GSG1L: variants seen among roughly 807,000 people sequenced by gnomAD.
GSG1L encodes germ cell-specific gene 1-like protein.
In GSG1L, 24 loss-of-function variants were observed where a neutral mutation model predicts 42.1. The observed-to-expected ratio is 0.57, with a 90% CI of 0.41 to 0.80. GSG1L has a LOEUF of 0.80. Ranked by LOEUF, GSG1L falls within the 30% of genes least tolerant of loss-of-function variation. GSG1L has a pLI of 0.00. For synonymous variants in GSG1L, 215 were observed against 203.5 expected (o/e 1.06, Z -0.48); for missense variants, 445 against 472.2 (o/e 0.94, Z 0.53).
intron 3 of GSG1L, among the ~76,000 whole-genome samples, chr16:27,847,864 C>G (rs1200258740): frequency 6.6e-6 from 1 of 152,180 alleles, no homozygotes; most frequent in East Asian, 1.9e-4. Flanking sequence ...CTGAGGCCTC[C>G]CAAGCCATGC....
chr16:27,937,935 T>C (rs1471523926), intron 2 of GSG1L, among the ~76,000 whole-genome samples: 1 of 152,156 alleles, frequency 6.6e-6, no homozygotes, highest in African/African-American at 2.4e-5. Context: ...ACCCACATGA[T>C]GACCATGGCC....
At chr16:27,864,874 C>A (rs550250906) in intron 3 of GSG1L, among the ~76,000 whole-genome samples, 2 of 152,316 alleles carry the variant, frequency 1.3e-5, no homozygotes, top group South Asian at 4.1e-4. Flanking sequence ...TGTGGGTCCA[C>A]CTCCAACACC....
At chr16:27,833,950 T>C (rs1199670468) in intron 4 of GSG1L, among the ~76,000 whole-genome samples, 1 of 152,188 alleles carries the variant, frequency 6.6e-6, no homozygotes, top group Non-Finnish European at 1.5e-5. Flanking sequence ...TCTTATGTAT[T>C]GCATGTCTTT....
intron 3 of GSG1L, among the ~76,000 whole-genome samples, chr16:27,855,278 A>G (rs2140994120): frequency 6.6e-6 from 1 of 152,272 alleles, no homozygotes; most frequent in African/African-American, 2.4e-5. Context: ...TGAGAATGAA[A>G]GTGGGCTGAG....
At chr16:27,947,592 A>AGAAAGAAG (rs2084898431) in intron 2 of GSG1L, among the ~76,000 whole-genome samples, 1 of 107,304 alleles carries the variant, frequency 9.3e-6, no homozygotes, top group Non-Finnish European at 1.9e-5. Context: ...AAAGAAAGAA[A>AGAAAGAAG]GAAAGAAAAA....
chr16:28,046,520 AT>A (rs2086161143), intron 1 of GSG1L, among the ~76,000 whole-genome samples: 1 of 151,754 alleles, frequency 6.6e-6, no homozygotes, highest in African/African-American at 2.4e-5. Flanking sequence ...TGCCTGGCTA[AT>A]TTTTTGTATT....
At chr16:27,831,010 G>A (rs1200402536) in intron 4 of GSG1L, among the ~76,000 whole-genome samples, 2 of 152,252 alleles carry the variant, frequency 1.3e-5, no homozygotes, top group Non-Finnish European at 2.9e-5. Flanking sequence ...GTGAGCACAT[G>A]ACCTCGGCTT....
intron 3 of GSG1L, among the ~76,000 whole-genome samples, chr16:27,853,133 G>C (rs776680585): frequency 6.6e-6 from 1 of 152,160 alleles, no homozygotes; most frequent in Non-Finnish European, 1.5e-5. Flanking sequence ...CAATCGGCTG[G>C]GGGCAGAGGA....
intron 4 of GSG1L, among the ~76,000 whole-genome samples, chr16:27,842,063 A>ATGATATTG (rs1411999970): frequency 6.6e-6 from 1 of 150,736 alleles, no homozygotes; most frequent in Admixed American, 6.6e-5. Flanking sequence ...TATCAGTAGC[A>ATGATATTG]CGATGTCGCG....
chr16:27,869,625 T>G, intron 3 of GSG1L, among the ~76,000 whole-genome samples: 1 of 127,730 alleles, frequency 7.8e-6, no homozygotes. Flanking sequence ...CTCTCCTCTC[T>G]GCGTCTCCAT....
At chr16:27,916,324 T>A (rs60320850) in intron 2 of GSG1L, among the ~76,000 whole-genome samples, 10,439 of 149,052 alleles carry the variant, frequency 0.07, 556 homozygotes, top group East Asian at 0.17. Context: ...GTATTTATAT[T>A]TTTTTTTTAG....
intron 1 of GSG1L, among the ~76,000 whole-genome samples, chr16:28,030,709 C>T (rs986001916): frequency 3.4e-5 from 5 of 146,830 alleles, no homozygotes; most frequent in Admixed American, 7.0e-5. Context: ...ACCAGGAACT[C>T]GGGACCATAG....
intron 2 of GSG1L, among the ~76,000 whole-genome samples, chr16:27,906,498 G>A (rs2084322771): frequency 6.6e-6 from 1 of 152,156 alleles, no homozygotes; most frequent in African/African-American, 2.4e-5. Flanking sequence ...CTGAGGAGGT[G>A]TTGAGATGTT....
At chr16:27,907,932 T>C (rs12708705) in intron 2 of GSG1L, among the ~76,000 whole-genome samples, 61,296 of 151,994 alleles carry the variant, frequency 0.4, 13,240 homozygotes, top group African/African-American at 0.57. Flanking sequence ...ACCTTGGCAA[T>C]TGCATCTGCA....
intron 3 of GSG1L, among the ~76,000 whole-genome samples, chr16:27,874,664 G>A (rs914251720): frequency 1.3e-5 from 2 of 152,032 alleles, no homozygotes; most frequent in Non-Finnish European, 2.9e-5. Context: ...GGAGGGTGAT[G>A]TGTCCTGATT....
At chr16:27,795,144 C>T (rs978040031) in intron 6 of GSG1L, among the ~76,000 whole-genome samples, 1 of 151,986 alleles carries the variant, frequency 6.6e-6, no homozygotes, top group East Asian at 1.9e-4. Flanking sequence ...TTCCCCAGCC[C>T]CTGGCCCAGC....
chr16:27,947,283 C>T (rs894993637), intron 2 of GSG1L, among the ~76,000 whole-genome samples: 14 of 151,638 alleles, frequency 9.2e-5, no homozygotes, highest in African/African-American at 2.4e-4. Context: ...TGTACCACTA[C>T]GCCTGGCTAA....
chr16:28,047,631 G>A (rs928219884), intron 1 of GSG1L, among the ~76,000 whole-genome samples: 1 of 151,914 alleles, frequency 6.6e-6, no homozygotes, highest in South Asian at 2.1e-4. Flanking sequence ...GAATACAAAC[G>A]AAAGAAAGCA....
chr16:27,848,876 G>A (rs1489893052), intron 3 of GSG1L, among the ~76,000 whole-genome samples: 1 of 152,060 alleles, frequency 6.6e-6, no homozygotes, highest in East Asian at 1.9e-4. Context: ...TGAAGGCTGG[G>A]AGGAAATGCT....
Sources: allele counts gnomAD v4.1 joint callset (sites outside exome capture counted in the v4.1 genomes callset), GRCh38; gene constraint gnomAD v4.1.1; transcripts MANE v1.5; gene names NCBI Gene and HGNC (gene_info 2026-07-23, HGNC 2026-07-21).